Variants in MSH4 observed in about 807,000 individuals in gnomAD.
The protein encoded by MSH4 is mutS homolog 4, also known as mutS protein homolog 4.
A neutral mutation model predicts 113.7 loss-of-function variants in MSH4; 106 were observed. The ratio of observed to expected loss-of-function variants is 0.93; its 90% CI spans 0.80 to 1.10. The LOEUF is 1.10. Among genes scored for constraint, MSH4 ranks in the 50% least tolerant of loss-of-function variants. MSH4 has a pLI of 0.00. For synonymous variants in MSH4, 368 were observed against 380.2 expected (o/e 0.97, Z 0.37); for missense variants, 1,061 against 1,093.7 (o/e 0.97, Z 0.42).
In MSH4 at chr1:75,906,874, C is replaced by G. The variant is rs961980773; in HGVS notation, c.2620-5822C>G. ...TTTGAGATTGAGTCTCACTCTCTTG[C>G]CCAGGCTGCAGTGCAGTGGCGCGAT... On this transcript the variant is annotated intron_variant, in intron 19 of 19. Transcript: ENST00000263187. Among the ~76,000 whole-genome samples, 3 of 148,364 alleles carry G rather than the reference C, an allele frequency of 2.0e-5. No individual in the cohort carries two copies. The Admixed American group carries it at 2.0e-4, about 10-fold the overall frequency.
chr1:75,901,372 A>T (rs1370100771), intron 19 of MSH4, among the ~76,000 whole-genome samples: 2 of 152,136 alleles, frequency 1.3e-5, no homozygotes, highest in Non-Finnish European at 2.9e-5. Flanking sequence ...CCATGAGATC[A>T]ACTCTTTTAG....
At chr1:75,884,181 G>A (rs1265265716) in intron 15 of MSH4, among the ~76,000 whole-genome samples, 2 of 152,088 alleles carry the variant, frequency 1.3e-5, no homozygotes, top group Non-Finnish European at 2.9e-5. Context: ...AGGTTAAGCT[G>A]TTGCCTTTAA....
rs1275983125 is a variant in MSH4, at chr1:75,822,633, T to A, written c.1162+52T>A. 4.2e-6 allele frequency: 4 copies of A among 963,262 alleles called. No homozygotes were observed. In the South Asian group the frequency reaches 1.2e-4, roughly 28 times the overall value. 59.7% of individuals were successfully genotyped at this position (963,262 alleles called of 1,614,324 possible). On this transcript the variant is annotated intron_variant, in intron 7 of 19. Coordinates refer to ENST00000263187, the MANE Select transcript of MSH4 (RefSeq NM_002440.4). ...AATACAAATTATTGAAAAATACAGTTGGCTTAGTTATTTTTCCATGTTTCT... is the reference window on the plus strand; with the variant it reads ...AATACAAATTATTGAAAAATACAGTAGGCTTAGTTATTTTTCCATGTTTCT...
chr1:75,889,745 A>C (rs1480091142), intron 16 of MSH4, among the ~76,000 whole-genome samples: 1 of 152,108 alleles, frequency 6.6e-6, no homozygotes, highest in African/African-American at 2.4e-5. Context: ...GGGTTTCAAA[A>C]ATCATCCTCT....
rs368830496 is a variant in MSH4 at position 75,871,044 on chromosome 1, CAG to C, written c.1305+3458_1305+3459del. Among the ~76,000 whole-genome samples the C allele has an allele frequency of 9.1e-4, 139 of 152,236 alleles. 3 individuals carry two copies. In the South Asian group the frequency reaches 0.028, roughly 30 times the overall value. On this transcript the variant is annotated intron_variant, in intron 9 of 19. Coordinates refer to ENST00000263187, the MANE Select transcript of MSH4 (RefSeq NM_002440.4). ...AAGACTGGGAAATTCATAAAGGAAA[CAG>C]ATTTAATTGACTCACAGTTCAGTAT...
chr1:75,888,664 A>G (rs1040010192), intron 15 of MSH4, among the ~76,000 whole-genome samples: 1 of 151,958 alleles, frequency 6.6e-6, no homozygotes, highest in Non-Finnish European at 1.5e-5. Context: ...TAAGAGATAC[A>G]TAGTGATGTT....
intron 9 of MSH4, 72 bp downstream of exon 9, chr1:75,867,660 C>A: frequency 2.0e-6 from 2 of 1,010,612 alleles, no homozygotes; most frequent in South Asian, 1.5e-5. Context: ...AAAAAAATTT[C>A]AAACTCGGAA....
intron 3 of MSH4, among the ~76,000 whole-genome samples, chr1:75,808,990 C>T (rs1254560249): frequency 1.3e-5 from 2 of 152,108 alleles, no homozygotes; most frequent in East Asian, 1.9e-4. Flanking sequence ...GTAGCATGAT[C>T]GTGACTCACT....
chr1:75,838,559 T>G (rs1239584116), intron 7 of MSH4, among the ~76,000 whole-genome samples: 2 of 152,200 alleles, frequency 1.3e-5, no homozygotes, highest in African/African-American at 4.8e-5. Flanking sequence ...TCCTTCAATC[T>G]TTTCTCTTTA....
chr1:75,797,210 A>G lies in MSH4; in HGVS notation c.225A>G (p.Pro75=). The G allele has an allele frequency of 1.2e-6, 2 of 1,605,372 alleles. No homozygotes were observed. Among genetic ancestry groups the G allele is most frequent in the Non-Finnish European group, 1.7e-6 (2 of 1,176,284 alleles). The part of the protein sequence containing the change: ...SSSSSLPCPA[P]NSRPAQGSYF... ...GCAGCAGCCTTCCCTGCCCCGCGCC[A>G]AACTCCCGGCCAGCTCAAGGCAAGG... Residue 75 remains proline (P), a synonymous_variant, in exon 1 of 20, where the codon CCA becomes CCG. Transcript: ENST00000263187.
At chr1:75,892,972 C>T (rs988557969) in intron 17 of MSH4, among the ~76,000 whole-genome samples, 2 of 152,098 alleles carry the variant, frequency 1.3e-5, no homozygotes, top group Non-Finnish European at 2.9e-5. Context: ...TGAATGCAGG[C>T]AAACAAGCAC....
At chr1:75,911,131 G>A (rs1262276046) in intron 19 of MSH4, among the ~76,000 whole-genome samples, 1 of 151,324 alleles carries the variant, frequency 6.6e-6, no homozygotes, top group Admixed American at 6.6e-5. Flanking sequence ...AGGATCTTCT[G>A]TGGCTCAGGG....
chr1:75,908,650 C>T (rs1652721387), intron 19 of MSH4, among the ~76,000 whole-genome samples: 1 of 152,088 alleles, frequency 6.6e-6, no homozygotes, highest in African/African-American at 2.4e-5. Flanking sequence ...TGCTCTTGTT[C>T]CTTGTGGATA....
chr1:75,903,884 T>C (rs1652563126), intron 19 of MSH4, among the ~76,000 whole-genome samples: 1 of 152,134 alleles, frequency 6.6e-6, no homozygotes, highest in Non-Finnish European at 1.5e-5. Flanking sequence ...TTGCTCTGGC[T>C]AGGACATCCA....
intron 17 of MSH4, 43 bp downstream of exon 17, chr1:75,890,867 ATGTAT>A: frequency 7.1e-7 from 1 of 1,407,668 alleles, no homozygotes; most frequent in Non-Finnish European, 9.8e-7. Flanking sequence ...GTCCTTCTTT[ATGTAT>A]CCTTTTATTA....
At chr1:75,816,037 T>G (rs1246915515) in intron 5 of MSH4, among the ~76,000 whole-genome samples, 1 of 152,008 alleles carries the variant, frequency 6.6e-6, no homozygotes. Flanking sequence ...AGTATCAGAC[T>G]TTCCTAACAT....
intron 19 of MSH4, among the ~76,000 whole-genome samples, chr1:75,906,628 G>T (rs1652662704): frequency 1.7e-5 from 2 of 117,876 alleles, no homozygotes; most frequent in Admixed American, 1.1e-4. Flanking sequence ...ATATTTTATA[G>T]CTATAACACT....
intron 1 of MSH4, among the ~76,000 whole-genome samples, chr1:75,802,155 C>T (rs531876912): frequency 5.3e-5 from 8 of 152,220 alleles, no homozygotes; most frequent in Non-Finnish European, 8.8e-5. Flanking sequence ...AGCTACAGAA[C>T]GAGAGTCTCA....
chr1:75,809,978 C>T (rs745463263), intron 3 of MSH4, among the ~76,000 whole-genome samples: 65 of 151,912 alleles, frequency 4.3e-4, no homozygotes, highest in Non-Finnish European at 8.2e-4. Flanking sequence ...GATGTATTTA[C>T]ATTTTTCACA....
Sources: allele counts gnomAD v4.1 joint callset (sites outside exome capture counted in the v4.1 genomes callset), GRCh38; gene constraint gnomAD v4.1.1; transcripts MANE v1.5; gene names NCBI Gene and HGNC (gene_info 2026-07-23, HGNC 2026-07-21).